Variants in TMCC3 observed in about 807,000 individuals in gnomAD.
The protein encoded by TMCC3 is transmembrane and coiled-coil domain family 3.
TMCC3 carries 28 observed loss-of-function variants against 40.2 expected under a neutral mutation model. That is an observed-to-expected ratio of 0.70 (90% CI 0.52 to 0.95). The LOEUF (loss-of-function observed/expected upper bound fraction) is 0.95, where lower values mean the gene tolerates loss of function less well. TMCC3 is among the 40% of genes least tolerant of loss of function. The probability of loss-of-function intolerance (pLI) is 0.00; values close to 1 mark genes in which losing one functional copy is unlikely to be tolerated. For missense variants in TMCC3, 554 were observed against 615.2 expected, an observed-to-expected ratio of 0.90 and a Z score of 1.05; for synonymous variants, 255 against 248.5, an observed-to-expected ratio of 1.03 and a Z score of -0.25.
chr12:94,623,687 G>A (rs982887531), intron 1 of TMCC3, among the ~76,000 whole-genome samples: 6 of 152,208 alleles, frequency 3.9e-5, no homozygotes, highest in South Asian at 2.1e-4. Flanking sequence ...GGGGAATCCC[G>A]AATAAATGCC....
chr12:94,646,431 CTTTTTTTT>C (rs34398994), intron 1 of TMCC3, among the ~76,000 whole-genome samples: 1 of 90,730 alleles, frequency 1.1e-5, no homozygotes, highest in Non-Finnish European at 2.0e-5. Flanking sequence ...AAGCACACAC[CTTTTTTTT>C]TTTTTTTTTT....
intron 1 of TMCC3, among the ~76,000 whole-genome samples, chr12:94,615,254 A>T (rs2068841331): frequency 6.6e-6 from 1 of 152,242 alleles, no homozygotes; most frequent in Non-Finnish European, 1.5e-5. Flanking sequence ...CCCAGGCAGA[A>T]ATCACATGAA....
chr12:94,615,023 C>A (rs188710302), intron 1 of TMCC3, among the ~76,000 whole-genome samples: 14 of 152,224 alleles, frequency 9.2e-5, no homozygotes, highest in African/African-American at 3.4e-4. Context: ...CTCTCCCACC[C>A]CCAGGTGTTT....
intron 1 of TMCC3, among the ~76,000 whole-genome samples, chr12:94,646,214 G>T (rs2069017157): frequency 6.6e-6 from 1 of 152,128 alleles, no homozygotes; most frequent in Non-Finnish European, 1.5e-5. Context: ...CAATTCCAGA[G>T]AAATGTCAGA....
rs2068511031 is a variant in TMCC3 at position 94,569,038 on chromosome 12, A to C, written c.*2397T>G. The C allele has an allele frequency of 6.6e-6, 1 of 152,250 alleles. No homozygotes were observed. Among genetic ancestry groups the C allele is most frequent in the South Asian group, 2.1e-4 (1 of 4,832 alleles). 9.4% of individuals were successfully genotyped at this position (152,250 alleles called of 1,614,324 possible). On this transcript the variant is annotated 3_prime_UTR_variant, in exon 4 of 4. Transcript: ENST00000261226. Reference sequence around the variant, plus strand: ...AGGTCTGAGAAGTGTGCATTAAAGCACATTTGCTAGGCTGAGCACTGGAAT... The same window carrying C: ...AGGTCTGAGAAGTGTGCATTAAAGCCCATTTGCTAGGCTGAGCACTGGAAT...
At chr12:94,617,205 A>G (rs1241157914) in intron 1 of TMCC3, among the ~76,000 whole-genome samples, 1 of 152,220 alleles carries the variant, frequency 6.6e-6, no homozygotes, top group Non-Finnish European at 1.5e-5. Flanking sequence ...TAAGGTTCCT[A>G]TGGGACCTTC....
intron 1 of TMCC3, among the ~76,000 whole-genome samples, chr12:94,583,800 G>A (rs1479245753): frequency 6.6e-6 from 1 of 152,172 alleles, no homozygotes; most frequent in Non-Finnish European, 1.5e-5. Context: ...CATCCTAACT[G>A]TAACCCTCTT....
At chr12:94,595,821 C>G (rs569033210) in intron 1 of TMCC3, among the ~76,000 whole-genome samples, 2 of 151,768 alleles carry the variant, frequency 1.3e-5, no homozygotes, top group African/African-American at 4.9e-5. Context: ...AACTAAAAAG[C>G]TGCCTTTAGT....
At chr12:94,628,529 T>G (rs1184832706) in intron 1 of TMCC3, among the ~76,000 whole-genome samples, 1 of 152,206 alleles carries the variant, frequency 6.6e-6, no homozygotes, top group Non-Finnish European at 1.5e-5. Flanking sequence ...TGAACCTGCC[T>G]ACAGAATGAC....
At chr12:94,606,122 A>G (rs552791370) in intron 1 of TMCC3, among the ~76,000 whole-genome samples, 2 of 152,334 alleles carry the variant, frequency 1.3e-5, no homozygotes, top group Middle Eastern at 3.4e-3. Context: ...AATTGCAATC[A>G]ACCAAACCAT....
chr12:94,650,305 GCCCCCGGGCCCGCGCGCACCCGCCGC>G, intron 1 of TMCC3, 22 bp downstream of exon 1: 30 of 1,161,774 alleles, frequency 2.6e-5, no homozygotes, highest in Non-Finnish European at 3.2e-5. Flanking sequence ...AGCCCGCCTC[GCCCCCGGGCCCGCGCGCACCCGCCGC>G]CCCCCAGCCC....
At chr12:94,614,106 A>G (rs1028979602) in intron 1 of TMCC3, among the ~76,000 whole-genome samples, 5 of 151,586 alleles carry the variant, frequency 3.3e-5, no homozygotes, top group Non-Finnish European at 7.4e-5. Flanking sequence ...AGAAAAAAAA[A>G]AAAAAAAAAA....
At chr12:94,644,803 C>T (rs998081118) in intron 1 of TMCC3, among the ~76,000 whole-genome samples, 2 of 152,202 alleles carry the variant, frequency 1.3e-5, no homozygotes, top group Non-Finnish European at 2.9e-5. Flanking sequence ...TGATCATCAA[C>T]TTACTACATC....
chr12:94,584,984 C>A (rs572385150), intron 1 of TMCC3, among the ~76,000 whole-genome samples: 2 of 151,732 alleles, frequency 1.3e-5, no homozygotes, highest in Non-Finnish European at 2.9e-5. Flanking sequence ...GGAACAGGTT[C>A]AAATTATAGC....
intron 1 of TMCC3, among the ~76,000 whole-genome samples, chr12:94,616,702 A>G (rs570366895): frequency 2.0e-5 from 3 of 152,320 alleles, no homozygotes; most frequent in African/African-American, 7.2e-5. Context: ...GGGGAGGGGA[A>G]AAAGTCAATG....
chr12:94,609,256 G>T (rs1212372053), intron 1 of TMCC3, among the ~76,000 whole-genome samples: 1 of 152,086 alleles, frequency 6.6e-6, no homozygotes, highest in Non-Finnish European at 1.5e-5. Context: ...AAAGAAAAAA[G>T]AAATCAAGGA....
rs1213255909 is a variant in TMCC3 at position 94,571,184 on chromosome 12, G to A, written c.*251C>T. On this transcript the variant is annotated 3_prime_UTR_variant, in exon 4 of 4. Coordinates refer to ENST00000261226, the MANE Select transcript of TMCC3 (RefSeq NM_020698.4). Reference sequence around the variant, plus strand: ...TTTACCACGCTGGGCTGGTCAGGTGGGCAGGAAATCGGTCTGATTAAGGCA... The same window carrying A: ...TTTACCACGCTGGGCTGGTCAGGTGAGCAGGAAATCGGTCTGATTAAGGCA... 2 of 509,604 alleles carry A rather than the reference G, an allele frequency of 3.9e-6. No individual in the cohort carries two copies. The highest frequency in any genetic ancestry group is 7.1e-6 in the Non-Finnish European group (2 of 283,580). The allele number at this position is 509,604 out of a possible 1,614,324, so 31.6% of individuals were successfully genotyped here.
intron 1 of TMCC3, among the ~76,000 whole-genome samples, chr12:94,619,404 G>C (rs555540255): frequency 1.2e-4 from 19 of 152,332 alleles, no homozygotes; most frequent in African/African-American, 4.6e-4. Flanking sequence ...TACTAAGCCA[G>C]TCCCTAGCTT....
intron 1 of TMCC3, among the ~76,000 whole-genome samples, chr12:94,588,817 G>A (rs1204671687): frequency 1.5e-5 from 2 of 133,388 alleles, no homozygotes; most frequent in African/African-American, 3.0e-5. Flanking sequence ...TTCTTAAATC[G>A]GTATGAGATT....
Sources: gnomAD v4.1 joint callset for allele counts (sites outside exome capture counted in the v4.1 genomes callset) on GRCh38, gnomAD v4.1.1 for gene constraint, MANE v1.5 for transcripts, NCBI Gene and HGNC (gene_info 2026-07-23, HGNC 2026-07-21) for gene names.